BST1: variants seen among roughly 807,000 people sequenced by gnomAD.
The protein encoded by BST1 is ADP-ribosyl cyclase/cyclic ADP-ribose hydrolase 2.
A neutral mutation model predicts 40.6 loss-of-function variants in BST1; 49 were observed. The observed-to-expected ratio is 1.21, with a 90% CI of 0.96 to 1.53. The LOEUF (loss-of-function observed/expected upper bound fraction) is 1.53. Ranked by LOEUF, BST1 falls within the 40% of genes most tolerant of loss-of-function variation. The probability of loss-of-function intolerance (pLI) is 0.00; values close to 1 mark genes in which losing one functional copy is unlikely to be tolerated. For missense variants in BST1, 423 were observed against 395.9 expected (o/e 1.07, Z -0.58); for synonymous variants, 157 against 159.3 (o/e 0.99, Z 0.11).
At chr4:15,762,170 C>T in the BST1 span, among the ~76,000 whole-genome samples, 1 of 111,840 alleles carries the variant, frequency 8.9e-6, no homozygotes, top group African/African-American at 3.7e-5. Flanking sequence ...GCCTGGGCGA[C>T]GGAGTGAGAC....
chr4:15,707,855 C>CTCTCTATATATA (rs544633858), intron 3 of BST1, among the ~76,000 whole-genome samples: 50 of 128,618 alleles, frequency 3.9e-4, no homozygotes, highest in African/African-American at 1.2e-3. Context: ...CTCTCTCTCT[C>CTCTCTATATATA]TATATATATA....
chr4:15,742,267 C>T (rs956564311), downstream of BST1, among the ~76,000 whole-genome samples: 1 of 152,166 alleles, frequency 6.6e-6, no homozygotes, highest in Admixed American at 6.5e-5. Flanking sequence ...GGGGTCAACC[C>T]CTCATGAATT....
the BST1 span, among the ~76,000 whole-genome samples, chr4:15,758,242 C>T: frequency 6.6e-6 from 1 of 151,914 alleles, no homozygotes. Flanking sequence ...ATCTTATCAC[C>T]CAGGTAGTGA....
chr4:15,772,414 C>T, the BST1 span, among the ~76,000 whole-genome samples: 1 of 152,168 alleles, frequency 6.6e-6, no homozygotes, highest in Non-Finnish European at 1.5e-5. Flanking sequence ...AGGCAAAACC[C>T]ACATTTCTCA....
downstream of BST1, among the ~76,000 whole-genome samples, chr4:15,737,614 T>C (rs1432246907): frequency 6.6e-6 from 1 of 151,408 alleles, no homozygotes; most frequent in Non-Finnish European, 1.5e-5. Flanking sequence ...ATGCTAAGCA[T>C]TTGACCAAAA....
chr4:15,744,091 C>T, the BST1 span, among the ~76,000 whole-genome samples: 1 of 152,292 alleles, frequency 6.6e-6, no homozygotes, highest in East Asian at 1.9e-4. Flanking sequence ...TTCTGGGCCT[C>T]TGTGTAGTAT....
At chr4:15,749,659 T>C in the BST1 span, among the ~76,000 whole-genome samples, 1 of 151,864 alleles carries the variant, frequency 6.6e-6, no homozygotes, top group Non-Finnish European at 1.5e-5. Context: ...CACAAGCAAA[T>C]GACAGCAAAG....
chr4:15,719,931 A>G (rs1720722178), intron 7 of BST1, among the ~76,000 whole-genome samples: 1 of 152,174 alleles, frequency 6.6e-6, no homozygotes, highest in Non-Finnish European at 1.5e-5. Flanking sequence ...CAAAAGTTAG[A>G]TGTTGTTTAT....
chr4:15,716,518 A>G (rs1720524252), intron 6 of BST1, among the ~76,000 whole-genome samples: 1 of 152,162 alleles, frequency 6.6e-6, no homozygotes, highest in African/African-American at 2.4e-5. Context: ...TGCAGGTCCC[A>G]TTGAAAGTGT....
At chr4:15,713,672 A>G (rs538883198) in intron 4 of BST1, among the ~76,000 whole-genome samples, 1 of 152,220 alleles carries the variant, frequency 6.6e-6, no homozygotes, top group East Asian at 1.9e-4. Flanking sequence ...GACGTTATAC[A>G]GCCTTATTGC....
At chr4:15,738,009 A>G in exon 7 of BST1, 1 of 350,930 alleles carries the variant, frequency 2.8e-6, no homozygotes, top group South Asian at 2.2e-5. Flanking sequence ...GGTGGTGAAA[A>G]TACTCTGCAT....
At position 15,722,924 on chromosome 4, in the gene BST1, G is replaced by A; in HGVS notation, c.841G>A (p.Ala281Thr). ...GGACCACAGCACCCATCCTGACTGT[G>A]CCTTAAAGTCGTAAGTAAATGTCTT... Reference protein sequence around the residue: ...CVDHSTHPDCALKSAAAATQR... With the variant: ...CVDHSTHPDCTLKSAAAATQR... Residue 281 changes from alanine (A) to threonine (T), a missense_variant, in exon 8 of 9, where the codon GCC (alanine) becomes ACC (threonine). Coordinates refer to ENST00000265016, the MANE Select transcript of BST1 (RefSeq NM_004334.3). 1.2e-6 allele frequency: 2 copies of A among 1,613,626 alleles called. No individual in the cohort carries two copies. Among genetic ancestry groups the A allele is most frequent in the South Asian group, 2.2e-5 (2 of 91,020 alleles).
chr4:15,736,231 A>G (rs1721557658), downstream of BST1: 1 of 846,242 alleles, frequency 1.2e-6, no homozygotes, highest in Non-Finnish European at 1.7e-6. Context: ...TGCCAGAGCA[A>G]TGTCCTACGC....
chr4:15,737,371 C>G (rs1413667971), downstream of BST1, among the ~76,000 whole-genome samples: 6 of 152,148 alleles, frequency 3.9e-5, no homozygotes, highest in East Asian at 9.6e-4. Flanking sequence ...TCTTATTATC[C>G]TATTTTACAG....
intron 8 of BST1, among the ~76,000 whole-genome samples, chr4:15,724,078 T>C (rs1467347095): frequency 2.0e-5 from 3 of 152,222 alleles, no homozygotes; most frequent in African/African-American, 7.2e-5. Flanking sequence ...TTCCTCATTC[T>C]CCACGTTGAT....
intron 7 of BST1, among the ~76,000 whole-genome samples, chr4:15,721,740 G>T (rs1343923973): frequency 1.3e-5 from 2 of 152,026 alleles, no homozygotes; most frequent in Non-Finnish European, 2.9e-5. Flanking sequence ...CACCAACATG[G>T]CATGTGTATA....
intron 8 of BST1, chr4:15,731,223 G>T: frequency 2.2e-6 from 1 of 459,308 alleles, no homozygotes; most frequent in Non-Finnish European, 4.0e-6. Flanking sequence ...TGAGCAGGGA[G>T]GGGCAATTTC....
the BST1 span, among the ~76,000 whole-genome samples, chr4:15,750,628 A>G: frequency 1.3e-5 from 2 of 152,230 alleles, no homozygotes; most frequent in South Asian, 2.1e-4. Context: ...GCTAGTGCCA[A>G]CTAAGATGGG....
intron 3 of BST1, among the ~76,000 whole-genome samples, chr4:15,709,730 G>A (rs1023465551): frequency 2.0e-5 from 3 of 152,234 alleles, no homozygotes; most frequent in Middle Eastern, 3.4e-3. Flanking sequence ...GTATGTCATG[G>A]AATCCTGTGG....
Sources: allele counts gnomAD v4.1 joint callset (sites outside exome capture counted in the v4.1 genomes callset), GRCh38; gene constraint gnomAD v4.1.1; transcripts MANE v1.5; gene names NCBI Gene and HGNC (gene_info 2026-07-23, HGNC 2026-07-21).